The following SLC25A48 variants were observed in gnomAD, a reference collection of about 807,000 sequenced individuals.
SLC25A48 encodes the protein solute carrier family 25 member 48.
SLC25A48 carries 29 observed loss-of-function variants against 32.2 expected under a neutral mutation model. That is an observed-to-expected ratio of 0.90 (90% CI 0.67 to 1.23). The LOEUF (loss-of-function observed/expected upper bound fraction) is 1.23, where lower values mean the gene tolerates loss of function less well. Ranked by LOEUF, SLC25A48 falls within the 50% of genes most tolerant of loss-of-function variation. The pLI, the probability that SLC25A48 is intolerant of heterozygous loss-of-function variation, is 0.00. For synonymous variants in SLC25A48, 164 were observed against 172.3 expected (o/e 0.95, Z 0.38); for missense variants, 399 against 422.7 (o/e 0.94, Z 0.49).
At chr5:135,869,593 G>C (rs190732552) in intron 4 of SLC25A48, among the ~76,000 whole-genome samples, 1 of 152,212 alleles carries the variant, frequency 6.6e-6, no homozygotes, top group African/African-American at 2.4e-5. Context: ...CCTGGGTCAA[G>C]TCAGTTTTGC....
intron 3 of SLC25A48, among the ~76,000 whole-genome samples, chr5:135,787,592 T>A (rs2126628732): frequency 6.6e-6 from 1 of 151,918 alleles, no homozygotes; most frequent in South Asian, 2.1e-4. Context: ...TAATTGTAAT[T>A]TTCTAGGGGG....
At chr5:135,831,272 A>T (rs1315159887), upstream of SLC25A48, among the ~76,000 whole-genome samples, 1 of 152,200 alleles carries the variant, frequency 6.6e-6, no homozygotes, top group Admixed American at 6.5e-5. Context: ...CTTGTCTGCC[A>T]GCCACCAGCA....
chr5:135,842,354 C>A, intron 1 of SLC25A48, 62 bp from the exon 2 acceptor site: 2 of 1,563,040 alleles, frequency 1.3e-6, no homozygotes, highest in Non-Finnish European at 1.8e-6. Context: ...GTCCCAAGAG[C>A]TGGCTGGTGT....
chr5:135,864,162 T>C (rs1488673004), intron 4 of SLC25A48, among the ~76,000 whole-genome samples: 1 of 152,228 alleles, frequency 6.6e-6, no homozygotes, highest in Non-Finnish European at 1.5e-5. Context: ...CAAAGCCATC[T>C]GAGCCCAAGA....
In SLC25A48 at chr5:135,888,226, G is replaced by A. The variant is rs1447458894; in HGVS notation, c.*202G>A. On this transcript the variant is annotated 3_prime_UTR_variant, in exon 8 of 8. Coordinates refer to ENST00000681962, the MANE Select transcript of SLC25A48 (RefSeq NM_001349336.2). ...TGAGTCACTGATTCAAGCCCTCCAAGGTTCTGATCCCCAATGCCCACTCTG... is the reference window on the plus strand; with the variant it reads ...TGAGTCACTGATTCAAGCCCTCCAAAGTTCTGATCCCCAATGCCCACTCTG... 3 of 699,074 alleles carry A rather than the reference G, an allele frequency of 4.3e-6. No homozygotes were observed. Among genetic ancestry groups the A allele is most frequent in the Non-Finnish European group, 4.7e-6 (2 of 426,578 alleles). The allele number at this position is 699,074 out of a possible 1,614,324, so 43.3% of individuals were successfully genotyped here.
Position 135,615,570 on chromosome 5 carries a change from C to T in SLC25A48, c.-848-13667C>T, listed in dbSNP as rs373580077. Among the ~76,000 whole-genome samples, 12 of 152,220 alleles carry T rather than the reference C, an allele frequency of 7.9e-5. No homozygotes were observed. In the East Asian group the frequency reaches 2.1e-3, roughly 27 times the overall value. On this transcript the variant is annotated intron_variant, in intron 1 of 10. Coordinates refer to the SLC25A48 transcript ENST00000646290. ...CTCACATAAATGAGCAAAGAAATGA[C>T]CTGAAACCAGAACTTACATATTTAA...
chr5:135,605,321 G>A (rs557870845), intron 1 of SLC25A48, among the ~76,000 whole-genome samples: 148 of 152,266 alleles, frequency 9.7e-4, no homozygotes, highest in Admixed American at 4.2e-3. Flanking sequence ...TACTGTATTC[G>A]TCTGAAAGGC....
chr5:135,700,392 A>AAAAG (rs1754365911), intron 3 of SLC25A48, among the ~76,000 whole-genome samples: 1 of 149,536 alleles, frequency 6.7e-6, no homozygotes, highest in Non-Finnish European at 1.5e-5. Flanking sequence ...AAAAAAAAAA[A>AAAAG]AGAAAGAAAG....
rs77812351 is a variant in SLC25A48 at position 135,867,596 on chromosome 5, C to A, written c.422-3865C>A. 2.5e-4 allele frequency among the ~76,000 whole-genome samples: 38 copies of A among 152,258 alleles called. No individual in the cohort carries two copies. In the East Asian group the frequency reaches 7.3e-3, roughly 29 times the overall value. ...TTCTGCTGTTTTCCAGAAGAAGGCT[C>A]TTCTGTTTATTCATCAGCAGGGCTA... On this transcript the variant is annotated intron_variant, in intron 4 of 7. Coordinates refer to ENST00000681962, the MANE Select transcript of SLC25A48 (RefSeq NM_001349336.2).
chr5:135,709,499 G>A (rs559388052), intron 3 of SLC25A48, among the ~76,000 whole-genome samples: 19 of 152,318 alleles, frequency 1.2e-4, no homozygotes, highest in Non-Finnish European at 2.4e-4. Context: ...CCAAAGGTTC[G>A]GACTCAGTAC....
rs76876931 is a variant in SLC25A48, at chr5:135,614,846, G to A, written c.-848-14391G>A. ...CTGGTGTGAGATGATTGGAACATGG[G>A]ACCAGATTTCACCCTTTCTGTTCTC... On this transcript the variant is annotated intron_variant, in intron 1 of 10. Coordinates refer to the SLC25A48 transcript ENST00000646290. Among the ~76,000 whole-genome samples, 249 of 152,262 alleles carry A rather than the reference G, an allele frequency of 1.6e-3. No individual in the cohort carries two copies. The South Asian group carries it at 0.022, about 13-fold the overall frequency.
At chr5:135,801,369 A>G (rs1441122736) in intron 3 of SLC25A48, among the ~76,000 whole-genome samples, 4 of 151,300 alleles carry the variant, frequency 2.6e-5, no homozygotes, top group Non-Finnish European at 5.9e-5. Context: ...ATCACTCTCA[A>G]TATCGTAGGG....
At chr5:135,664,465 G>T (rs1424542284) in intron 3 of SLC25A48, among the ~76,000 whole-genome samples, 1 of 152,146 alleles carries the variant, frequency 6.6e-6, no homozygotes, top group Non-Finnish European at 1.5e-5. Flanking sequence ...ATAACTTTTA[G>T]GGTACAAGTG....
intron 1 of SLC25A48, among the ~76,000 whole-genome samples, chr5:135,842,114 A>G (rs1455557083): frequency 6.6e-6 from 1 of 151,976 alleles, no homozygotes; most frequent in East Asian, 1.9e-4. Context: ...ATCTATTTTG[A>G]TTTAATTTTG....
At chr5:135,613,405 A>C (rs1276489683) in intron 1 of SLC25A48, among the ~76,000 whole-genome samples, 2 of 151,940 alleles carry the variant, frequency 1.3e-5, no homozygotes, top group African/African-American at 4.8e-5. Context: ...TTGGTTGTTT[A>C]CTGTGCAGAA....
chr5:135,822,210 G>T (rs532626135), intron 4 of SLC25A48: 2 of 152,354 alleles, frequency 1.3e-5, no homozygotes, highest in Admixed American at 6.5e-5. Flanking sequence ...TCCCCAAGCT[G>T]CTCACAGGGT....
rs531998905 is a variant in SLC25A48, at chr5:135,788,551, G to C, written c.-520-23972G>C. Among the ~76,000 whole-genome samples the C allele has an allele frequency of 5.9e-4, 90 of 151,298 alleles. 1 individual carries two copies. Among genetic ancestry groups the C allele is most frequent in the East Asian group, 4.0e-4 (2 of 5,050 alleles). ...TCCGTAATATCCAGGGTGGGAAAGAGAGTGATATTACTCCCCTGTGGAGGG... is the reference window on the plus strand; with the variant it reads ...TCCGTAATATCCAGGGTGGGAAAGACAGTGATATTACTCCCCTGTGGAGGG... On this transcript the variant is annotated intron_variant, in intron 3 of 10. Coordinates refer to the SLC25A48 transcript ENST00000646290.
intron 3 of SLC25A48, among the ~76,000 whole-genome samples, chr5:135,793,157 G>A (rs553453905): frequency 7.3e-5 from 11 of 151,134 alleles, no homozygotes; most frequent in African/African-American, 2.7e-4. Context: ...GTAATATCCG[G>A]GGGAGATGTT....
At chr5:135,880,188 A>C (rs1762364958) in intron 7 of SLC25A48, 91 bp downstream of exon 7, 1 of 1,462,520 alleles carries the variant, frequency 6.8e-7, no homozygotes, top group Non-Finnish European at 9.0e-7. Flanking sequence ...GCCTTCTGAA[A>C]TGTCCTGTTG....
Sources: allele counts gnomAD v4.1 joint callset (sites outside exome capture counted in the v4.1 genomes callset), GRCh38; gene constraint gnomAD v4.1.1; transcripts MANE v1.5; gene names NCBI Gene and HGNC (gene_info 2026-07-23, HGNC 2026-07-21).